TRPC7: variants seen among roughly 807,000 people sequenced by gnomAD.
The protein encoded by TRPC7 is transient receptor potential cation channel subfamily C member 7.
A neutral mutation model predicts 90.1 loss-of-function variants in TRPC7; 42 were observed. The observed-to-expected ratio is 0.47, with a 90% CI of 0.36 to 0.60. The LOEUF (loss-of-function observed/expected upper bound fraction) is 0.60, where lower values mean the gene tolerates loss of function less well. Ranked by LOEUF, TRPC7 falls within the 20% of genes least tolerant of loss-of-function variation. The pLI is 0.00. For missense variants in TRPC7, 955 were observed against 1,112.3 expected (o/e 0.86, Z 2.01); for synonymous variants, 451 against 436.3 (o/e 1.03, Z -0.42).
At chr5:136,274,587 G>C in intron 4 of TRPC7, 86 bp downstream of exon 4, 1 of 1,315,154 alleles carries the variant, frequency 7.6e-7, no homozygotes, top group Non-Finnish European at 9.8e-7. Flanking sequence ...AAAATCAGCT[G>C]CTAATTTGAA....
At chr5:136,223,839 T>A (rs1314970436) in intron 10 of TRPC7, among the ~76,000 whole-genome samples, 6 of 152,084 alleles carry the variant, frequency 3.9e-5, no homozygotes, top group Non-Finnish European at 1.5e-5. Flanking sequence ...AGCTGAGAAA[T>A]AAAAATACTT....
intron 5 of TRPC7, among the ~76,000 whole-genome samples, chr5:136,265,796 TCTA>T: frequency 6.6e-6 from 1 of 152,058 alleles, no homozygotes; most frequent in Non-Finnish European, 1.5e-5. Flanking sequence ...TTATCACAAT[TCTA>T]CTATGAATAT....
intron 2 of TRPC7, among the ~76,000 whole-genome samples, chr5:136,325,899 A>G (rs1759329832): frequency 6.6e-6 from 1 of 152,224 alleles, no homozygotes; most frequent in South Asian, 2.1e-4. Context: ...ACAAAGGATC[A>G]AAGGCTACTC....
At chr5:136,326,316 G>A (rs1305599389) in intron 2 of TRPC7, among the ~76,000 whole-genome samples, 1 of 152,226 alleles carries the variant, frequency 6.6e-6, no homozygotes, top group Non-Finnish European at 1.5e-5. Context: ...AACAGTATGA[G>A]TAGAGGAATA....
intron 3 of TRPC7, among the ~76,000 whole-genome samples, chr5:136,301,481 C>G (rs982230862): frequency 6.6e-6 from 1 of 151,802 alleles, no homozygotes; most frequent in African/African-American, 2.4e-5. Flanking sequence ...TAAAAATAAT[C>G]TTAACTGATG....
At chr5:136,292,520 A>T (rs903055662) in intron 3 of TRPC7, among the ~76,000 whole-genome samples, 7 of 152,256 alleles carry the variant, frequency 4.6e-5, no homozygotes, top group Non-Finnish European at 1.0e-4. Flanking sequence ...AAACACCTCT[A>T]TGCAAATAAA....
intron 5 of TRPC7, among the ~76,000 whole-genome samples, chr5:136,254,658 C>T (rs530051066): frequency 2.0e-5 from 3 of 152,318 alleles, no homozygotes; most frequent in Admixed American, 6.5e-5. Context: ...TAGCATTGTT[C>T]TCATGCCTGT....
intron 5 of TRPC7, among the ~76,000 whole-genome samples, chr5:136,253,764 C>T (rs1229314183): frequency 6.6e-6 from 1 of 152,156 alleles, no homozygotes; most frequent in Non-Finnish European, 1.5e-5. Flanking sequence ...ACAATGGTTT[C>T]TAAGCTTTTA....
chr5:136,317,052 C>T (rs1225574537), intron 2 of TRPC7, among the ~76,000 whole-genome samples: 1 of 152,172 alleles, frequency 6.6e-6, no homozygotes, highest in East Asian at 1.9e-4. Context: ...AGGTAAGTAA[C>T]TGCTTGTTTG....
intron 2 of TRPC7, among the ~76,000 whole-genome samples, chr5:136,339,678 T>C (rs1229172747): frequency 1.3e-5 from 2 of 152,158 alleles, no homozygotes. Flanking sequence ...TTGACATTCC[T>C]ATGATTTCAT....
intron 7 of TRPC7, among the ~76,000 whole-genome samples, chr5:136,239,557 G>A (rs552669075): frequency 3.3e-5 from 5 of 152,168 alleles, no homozygotes; most frequent in South Asian, 4.1e-4. Flanking sequence ...CCTCTCCCTC[G>A]GTTTCTCTCA....
intron 1 of TRPC7, among the ~76,000 whole-genome samples, chr5:136,360,102 C>A (rs978462294): frequency 6.6e-6 from 1 of 152,098 alleles, no homozygotes; most frequent in African/African-American, 2.4e-5. Context: ...TACACAGCAA[C>A]AAGCCATGGA....
intron 2 of TRPC7, among the ~76,000 whole-genome samples, chr5:136,347,165 G>A (rs909227635): frequency 1.3e-4 from 20 of 152,168 alleles, no homozygotes; most frequent in African/African-American, 4.3e-4. Flanking sequence ...CTTGACTTTG[G>A]ACCTCTAGCC....
intron 3 of TRPC7, among the ~76,000 whole-genome samples, chr5:136,295,939 C>T (rs577916584): frequency 1.8e-4 from 28 of 152,308 alleles, no homozygotes; most frequent in South Asian, 6.2e-4. Context: ...TTCCTGTATA[C>T]GCCATCAAAC....
At chr5:136,269,460 G>A (rs1757134998) in intron 4 of TRPC7, among the ~76,000 whole-genome samples, 1 of 152,230 alleles carries the variant, frequency 6.6e-6, no homozygotes, top group East Asian at 1.9e-4. Flanking sequence ...AAGCACCTAA[G>A]CGGTACCTGG....
rs773557709 is a variant in TRPC7, at chr5:136,274,642, G to T, written c.1128+31C>A. 4.5e-6 allele frequency: 7 copies of T among 1,552,082 alleles called. No homozygotes were observed. The African/African-American group carries it at 5.5e-5, about 12-fold the overall frequency. On this transcript the variant is annotated intron_variant, in intron 4 of 11. Coordinates refer to ENST00000513104, the MANE Select transcript of TRPC7 (RefSeq NM_020389.3). ...TGCTAAGAAGAGAGAAGAAATAACC[G>T]CAAACGACATGCACCTTAAGCAGTC...
Position 136,303,281 on chromosome 5 carries a change from A to C in TRPC7, c.963+12316T>G, listed in dbSNP as rs373542980. Among the ~76,000 whole-genome samples the C allele has an allele frequency of 4.6e-4, 70 of 152,288 alleles. 1 individual carries two copies. In the East Asian group the frequency reaches 0.012, roughly 25 times the overall value. ...ACACTTTACAGCCCTAGACCCTAAA[A>C]GGTCAAAAGGCCGTCTTATTCTCAA... On this transcript the variant is annotated intron_variant, in intron 3 of 11. Transcript: ENST00000513104.
rs76732416 is a variant in TRPC7 at position 136,249,803 on chromosome 5, T to G, written c.1579+1846A>C. 8.2e-3 allele frequency among the ~76,000 whole-genome samples: 1,242 copies of G among 152,352 alleles called. 14 individuals are homozygous for G. Among genetic ancestry groups the G allele is most frequent in the African/African-American group, 0.021 (876 of 41,570 alleles). On this transcript the variant is annotated intron_variant, in intron 6 of 11. Transcript: ENST00000513104. The stretch of plus-strand genomic sequence containing the variant: ...TGCCCTATCACAACCTGAAAAATTG[T>G]TATCTGCGCATTTGGTGCTGTAGAG...
At chr5:136,254,851 A>G (rs1756641856) in intron 5 of TRPC7, among the ~76,000 whole-genome samples, 1 of 152,240 alleles carries the variant, frequency 6.6e-6, no homozygotes, top group African/African-American at 2.4e-5. Context: ...GCCATTCAGA[A>G]CATTAGAGAA....
Sources: allele counts gnomAD v4.1 joint callset (sites outside exome capture counted in the v4.1 genomes callset), GRCh38; gene constraint gnomAD v4.1.1; transcripts MANE v1.5; gene names NCBI Gene and HGNC (gene_info 2026-07-23, HGNC 2026-07-21).